Variants in IGF2R observed in about 807,000 individuals in gnomAD.
IGF2R encodes the protein cation-independent mannose-6-phosphate receptor.
In IGF2R, 91 loss-of-function variants were observed where a neutral mutation model predicts 270.6. That is an observed-to-expected ratio of 0.34 (90% CI 0.28 to 0.40). The LOEUF (loss-of-function observed/expected upper bound fraction) is 0.40. IGF2R is among the 10% of genes least tolerant of loss of function. The pLI is 1.00. For synonymous variants in IGF2R, 1,316 were observed against 1,258.9 expected, an observed-to-expected ratio of 1.05 and a Z score of -0.96; for missense variants, 2,805 against 3,188.3, an observed-to-expected ratio of 0.88 and a Z score of 2.90.
At chr6:160,085,549 T>A (rs1436700903) in intron 41 of IGF2R, among the ~76,000 whole-genome samples, 1 of 152,242 alleles carries the variant, frequency 6.6e-6, no homozygotes, top group African/African-American at 2.4e-5. Context: ...GTAAAATGTC[T>A]TAACAATTTT....
At chr6:160,037,092 A>G (rs977058938) in intron 10 of IGF2R, among the ~76,000 whole-genome samples, 2 of 152,224 alleles carry the variant, frequency 1.3e-5, no homozygotes, top group African/African-American at 4.8e-5. Flanking sequence ...GATGGCTCAT[A>G]TCACCCCACC....
chr6:159,972,910 C>G (rs1045011155), intron 1 of IGF2R, among the ~76,000 whole-genome samples: 1 of 152,188 alleles, frequency 6.6e-6, no homozygotes, highest in African/African-American at 2.4e-5. Context: ...AGAGACTCAG[C>G]AAAGCATTTT....
chr6:160,045,566 C>T (rs1002544792), intron 13 of IGF2R, among the ~76,000 whole-genome samples, 179 bp from the exon 14 acceptor site: 1 of 152,160 alleles, frequency 6.6e-6, no homozygotes, highest in Non-Finnish European at 1.5e-5. Context: ...TTTGACTGTT[C>T]TAGATACCTC....
At position 160,043,183 on chromosome 6, in the gene IGF2R, C is replaced by G. The variant is rs1777984707; in HGVS notation, c.1516C>G (p.Gln506Glu). ...EQNWEAVDGS[Q>E]TETEKKHFFI... ...GAATTGGGAAGCTGTGGATGGCAGTCAGACGGAAACAGAGAAGAAGCATTT... is the reference window on the plus strand; with the variant it reads ...GAATTGGGAAGCTGTGGATGGCAGTGAGACGGAAACAGAGAAGAAGCATTT... The change falls in exon 12 of 48, where the codon CAG becomes GAG. Residue 506 changes from glutamine to glutamate, a missense_variant. Transcript: ENST00000356956. The G allele has an allele frequency of 3.1e-6, 5 of 1,614,136 alleles. No homozygotes were observed. Among genetic ancestry groups the G allele is most frequent in the Non-Finnish European group, 4.2e-6 (5 of 1,180,012 alleles).
chr6:160,062,471 C>A, intron 25 of IGF2R, 61 bp from the exon 26 acceptor site: 2 of 1,329,132 alleles, frequency 1.5e-6, no homozygotes, highest in Non-Finnish European at 2.2e-6. Context: ...CGTGCCCGGC[C>A]CCATTTGATT....
At chr6:160,086,335 G>A (rs1369613821) in intron 41 of IGF2R, among the ~76,000 whole-genome samples, 5 of 152,244 alleles carry the variant, frequency 3.3e-5, no homozygotes, top group African/African-American at 4.8e-5. Flanking sequence ...CACCAAATGA[G>A]CTCTTAATCT....
Position 160,096,925 on chromosome 6 carries a change from G to C in IGF2R, c.6842+300G>C, listed in dbSNP as rs138400018. 5.3e-4 allele frequency among the ~76,000 whole-genome samples: 81 copies of C among 152,256 alleles called. No individual in the cohort carries two copies. The East Asian group carries it at 5.6e-3, about 11-fold the overall frequency. On this transcript the variant is annotated intron_variant, in intron 45 of 47. Transcript: ENST00000356956. ...GGTCCAGTCAGGGCACCCCAGCTCTGTCCCTCTACCCTGTTCCCATTGCTG... is the reference window on the plus strand; with the variant it reads ...GGTCCAGTCAGGGCACCCCAGCTCTCTCCCTCTACCCTGTTCCCATTGCTG...
rs1778169581 is a variant in IGF2R, at chr6:160,050,478, C to T, written c.2520C>T (p.Ser840=). The change falls in exon 19 of 48, where the codon TCC becomes TCT. Residue 840 remains serine (S), a synonymous_variant. Coordinates refer to ENST00000356956, the MANE Select transcript of IGF2R (RefSeq NM_000876.4). The surrounding 1 kb of genome is among the most constrained non-coding windows in gnomAD (Gnocchi z 4.0). ...CAAGACTGGTTTTCTTGCAGGGCTC[C>T]TTCACTGAAGTGGTTTCCATCAGTA... The part of the protein sequence containing the change: ...CQMKYEKDQG[S]FTEVVSISNL... 1 of 1,607,650 alleles carries T rather than the reference C, an allele frequency of 6.2e-7. No individual in the cohort carries two copies. The highest frequency in any genetic ancestry group is 8.5e-7 in the Non-Finnish European group (1 of 1,174,722).
intron 2 of IGF2R, among the ~76,000 whole-genome samples, chr6:159,995,895 CTT>C (rs35974914): frequency 0.044 from 4,331 of 98,750 alleles, 128 homozygotes; most frequent in East Asian, 0.1. Flanking sequence ...TTGCAGCGCT[CTT>C]TTTTTTTTTT....
intron 4 of IGF2R, among the ~76,000 whole-genome samples, chr6:160,020,598 C>A (rs1161697236): frequency 6.6e-6 from 1 of 152,124 alleles, no homozygotes; most frequent in Admixed American, 6.6e-5. Context: ...AAAATAGACA[C>A]ACAGATTAAT....
Position 160,050,209 on chromosome 6 carries a change from C to T in IGF2R, c.2515-264C>T. On this transcript the variant is annotated intron_variant, in intron 18 of 47. Transcript: ENST00000356956. The surrounding 1 kb of genome is among the most constrained non-coding windows in gnomAD (Gnocchi z 4.0). The stretch of plus-strand genomic sequence containing the variant: ...GCAATAATGGGGATGTGACTAGTAT[C>T]TAGTGCTATGTGACTTTCAGTTACA... 6.6e-6 allele frequency among the ~76,000 whole-genome samples: 1 copy of T among 152,226 alleles called. No homozygotes were observed. The highest frequency in any genetic ancestry group is 1.5e-5 in the Non-Finnish European group (1 of 68,048).
chr6:160,066,043 C>T (rs1778577883), intron 29 of IGF2R, among the ~76,000 whole-genome samples: 1 of 143,710 alleles, frequency 7.0e-6, no homozygotes, highest in Non-Finnish European at 1.5e-5. Context: ...GAGACAGAGT[C>T]TTGCACTGTC....
chr6:159,972,838 T>A (rs3798209), intron 1 of IGF2R, among the ~76,000 whole-genome samples: 41,770 of 152,162 alleles, frequency 0.27, 6,001 homozygotes, highest in East Asian at 0.49. Context: ...CGACAAAGGC[T>A]CATTTCCCAA....
intron 19 of IGF2R, 104 bp from the exon 20 acceptor site, chr6:160,056,320 A>G: frequency 3.9e-6 from 3 of 763,972 alleles, no homozygotes; most frequent in Non-Finnish European, 7.1e-6. Flanking sequence ...CATAATAAAC[A>G]TCTAGCAGAT....
chr6:160,085,045 C>G lies in IGF2R; in HGVS notation c.6119C>G (p.Ser2040Cys). 10 of 1,614,084 alleles carry G rather than the reference C, an allele frequency of 6.2e-6. No homozygotes were observed. The highest frequency in any genetic ancestry group is 7.6e-6 in the Non-Finnish European group (9 of 1,179,982). The part of the protein sequence containing the change: ...QKIYKGPLGC[S>C]ERASICRRTT... ...ATATATAAAGGGCCCCTGGGCTGCT[C>G]TGAAAGGGCCAGCATTTGCAGAAGG... The change falls in exon 41 of 48, where the codon TCT (serine) becomes TGT (cysteine). Residue 2040 changes from serine to cysteine, a missense_variant. Ser to Cys is a moderately radical substitution (Grantham distance 112). Transcript: ENST00000356956.
rs1779606017 is a variant in IGF2R, at chr6:160,105,905, T to TG, written c.*821_*822insG. ...CCTGCCCAAAGATTGATTTGTGTGT[T>TG]TGTGTGTGTGTGTGTGTGTGTGTGT... On this transcript the variant is annotated 3_prime_UTR_variant, in exon 48 of 48. Coordinates refer to ENST00000356956, the MANE Select transcript of IGF2R (RefSeq NM_000876.4). 103 of 145,978 alleles carry TG rather than the reference T, an allele frequency of 7.1e-4. No homozygotes were observed. Among genetic ancestry groups the TG allele is most frequent in the African/African-American group, 2.2e-3 (87 of 38,802 alleles). 9.0% of individuals were successfully genotyped at this position (145,978 alleles called of 1,614,324 possible).
Position 160,080,112 on chromosome 6 carries a change from G to C in IGF2R, c.5687-17G>C, listed in dbSNP as rs1456676845. On this transcript the variant is annotated splice_polypyrimidine_tract_variant and intron_variant, in intron 38 of 47. Coordinates refer to ENST00000356956, the MANE Select transcript of IGF2R (RefSeq NM_000876.4). ...GAGGCACAGCTGCCACACTGATAAT[G>C]TTCTTCTTCTTTCCAGAAACCGATG... 3 of 1,613,548 alleles carry C rather than the reference G, an allele frequency of 1.9e-6. No individual in the cohort carries two copies. The highest frequency in any genetic ancestry group is 2.5e-6 in the Non-Finnish European group (3 of 1,179,818).
intron 2 of IGF2R, among the ~76,000 whole-genome samples, chr6:160,001,100 G>A (rs1035764888): frequency 2.6e-5 from 4 of 152,092 alleles, no homozygotes; most frequent in Non-Finnish European, 5.9e-5. Context: ...GACTGGTAGC[G>A]GTTTGTAGCC....
At position 160,032,989 on chromosome 6, in the gene IGF2R, G is replaced by A. The variant is rs376646523; in HGVS notation, c.1093G>A (p.Val365Ile). The A allele has an allele frequency of 7.6e-5, 122 of 1,603,358 alleles. No individual in the cohort carries two copies. The highest frequency in any genetic ancestry group is 9.9e-5 in the Non-Finnish European group (116 of 1,170,474). Residue 365 changes from valine (V) to isoleucine (I), a missense_variant, in exon 9 of 48, where the codon GTC (valine) becomes ATC (isoleucine). By Grantham distance (29) the Val-to-Ile change is conservative. This residue lies in a region of IGF2R where 954 missense variants were observed against 981.1 expected (regional missense o/e 0.97). Transcript: ENST00000356956. Reference sequence around the variant, plus strand: ...AAAAGAATATTTGTTTTATTTGAATGTCTGTGGAGAAACTGAAATACAGTT... The same window carrying A: ...AAAAGAATATTTGTTTTATTTGAATATCTGTGGAGAAACTGAAATACAGTT... ...DGKEYLFYLN[V>I]CGETEIQFCN...
Sources: gnomAD v4.1 joint callset for allele counts (sites outside exome capture counted in the v4.1 genomes callset) on GRCh38, gnomAD v4.1.1 for gene constraint, gnomAD v4.1.1 regional missense constraint, Gnocchi (gnomAD v3.1) non-coding constraint, MANE v1.5 for transcripts, NCBI Gene and HGNC (gene_info 2026-07-23, HGNC 2026-07-21) for gene names.